The following COL14A1 variants were observed in gnomAD, a reference collection of about 807,000 sequenced individuals.
The protein encoded by COL14A1 is collagen alpha-1(XIV) chain.
COL14A1 carries 136 observed loss-of-function variants against 230.3 expected under a neutral mutation model. That is an observed-to-expected ratio of 0.59 (90% CI 0.51 to 0.68). COL14A1 has a LOEUF of 0.68. COL14A1 is among the 30% of genes least tolerant of loss of function. The pLI is 0.00. For synonymous variants in COL14A1, 792 were observed against 784.1 expected, an observed-to-expected ratio of 1.01 and a Z score of -0.17; for missense variants, 1,976 against 2,215.8, an observed-to-expected ratio of 0.89 and a Z score of 2.17.
intron 34 of COL14A1, among the ~76,000 whole-genome samples, chr8:120,293,901 T>C (rs1176855242): frequency 6.6e-6 from 1 of 151,912 alleles, no homozygotes; most frequent in Admixed American, 6.6e-5. Flanking sequence ...ATCAGTGCCT[T>C]CGTGGTTTCC....
chr8:120,321,119 A>G (rs143223447), intron 40 of COL14A1, among the ~76,000 whole-genome samples: 4 of 152,156 alleles, frequency 2.6e-5, no homozygotes, highest in African/African-American at 9.7e-5. Flanking sequence ...CTCAAAAGAG[A>G]TATTTAATAA....
Position 120,206,951 on chromosome 8 carries a change from C to T in COL14A1, c.1048C>T (p.His350Tyr). Residue 350 changes from histidine to tyrosine, a missense_variant, in exon 10 of 48, where the codon CAT becomes TAT. Physicochemically the swap from His to Tyr is moderately conservative, Grantham distance 83. This residue lies in a region of COL14A1 where 1,791 missense variants were observed against 2,019.5 expected (regional missense o/e 0.89). Coordinates refer to ENST00000297848, the MANE Select transcript of COL14A1 (RefSeq NM_021110.4). Reference sequence around the variant, plus strand: ...ATGTTTTTTTAATTTAGCCTCAGCCCATGCCATCACTGGGCCGCCTACGGA... The same window carrying T: ...ATGTTTTTTTAATTTAGCCTCAGCCTATGCCATCACTGGGCCGCCTACGGA... Reference protein sequence around the residue: ...EQDREIKASAHAITGPPTELI... With the variant: ...EQDREIKASAYAITGPPTELI... 1 of 1,608,538 alleles carries T rather than the reference C, an allele frequency of 6.2e-7. No homozygotes were observed. Among genetic ancestry groups the T allele is most frequent in the African/African-American group, 1.3e-5 (1 of 74,596 alleles).
intron 1 of COL14A1, among the ~76,000 whole-genome samples, chr8:120,141,171 A>C (rs1814895620): frequency 6.6e-6 from 1 of 152,192 alleles, no homozygotes; most frequent in African/African-American, 2.4e-5. Context: ...GGGACTTGGC[A>C]GAAAAGCTTG....
chr8:120,179,798 T>C (rs1731781113), intron 5 of COL14A1, among the ~76,000 whole-genome samples: 1 of 152,198 alleles, frequency 6.6e-6, no homozygotes, highest in Non-Finnish European at 1.5e-5. Flanking sequence ...GACTTCAAAC[T>C]ATACTACAAG....
At chr8:120,333,790 GT>G (rs1821952492) in intron 42 of COL14A1, among the ~76,000 whole-genome samples, 1 of 152,154 alleles carries the variant, frequency 6.6e-6, no homozygotes, top group East Asian at 1.9e-4. Flanking sequence ...GCCTCCCGTA[GT>G]CCTTGGCTCA....
At chr8:120,146,809 A>G (rs1287282095) in intron 1 of COL14A1, among the ~76,000 whole-genome samples, 3 of 152,130 alleles carry the variant, frequency 2.0e-5, no homozygotes, top group Non-Finnish European at 4.4e-5. Context: ...TGGGAAATGA[A>G]TAAACGAATA....
chr8:120,156,946 G>T (rs540061442), intron 2 of COL14A1, among the ~76,000 whole-genome samples: 1 of 152,172 alleles, frequency 6.6e-6, no homozygotes, highest in Non-Finnish European at 1.5e-5. Context: ...TTTTTAAAAT[G>T]AGAAAGAGAG....
chr8:120,179,050 C>T (rs1390146913), intron 5 of COL14A1, among the ~76,000 whole-genome samples: 3 of 151,976 alleles, frequency 2.0e-5, no homozygotes, highest in African/African-American at 7.3e-5. Context: ...ATGATAGTTT[C>T]TTTTGCTGTG....
chr8:120,320,048 G>T (rs906313998), intron 40 of COL14A1, among the ~76,000 whole-genome samples: 1 of 152,030 alleles, frequency 6.6e-6, no homozygotes, highest in Non-Finnish European at 1.5e-5. Context: ...ATATATGGTG[G>T]CTTTCTCAGT....
At chr8:120,238,060 T>C (rs1229970766) in intron 19 of COL14A1, among the ~76,000 whole-genome samples, 1 of 152,092 alleles carries the variant, frequency 6.6e-6, no homozygotes, top group Non-Finnish European at 1.5e-5. Flanking sequence ...ACTCCTGGTG[T>C]CTCCCCATCA....
At chr8:120,172,281 G>A (rs368858254) in intron 5 of COL14A1, among the ~76,000 whole-genome samples, 1 of 152,088 alleles carries the variant, frequency 6.6e-6, no homozygotes, top group East Asian at 1.9e-4. Context: ...CTCCTGAGTA[G>A]CTGGGATTAT....
At chr8:120,220,855 GTGA>G (rs1440825217) in intron 14 of COL14A1, among the ~76,000 whole-genome samples, 13 of 152,138 alleles carry the variant, frequency 8.5e-5, no homozygotes, top group African/African-American at 2.6e-4. Flanking sequence ...GATGATTATG[GTGA>G]TGATGATGAT....
chr8:120,362,135 G>A (rs144510997), intron 45 of COL14A1, among the ~76,000 whole-genome samples: 1 of 152,326 alleles, frequency 6.6e-6, no homozygotes, highest in East Asian at 1.9e-4. Context: ...GCTTAGGATG[G>A]AGAGGCAGGG....
At chr8:120,279,287 C>T (rs1586827129) in intron 28 of COL14A1, among the ~76,000 whole-genome samples, 1 of 151,968 alleles carries the variant, frequency 6.6e-6, no homozygotes, top group African/African-American at 2.4e-5. Context: ...GCATCTTCAG[C>T]ACGTGTATCC....
At chr8:120,167,893 C>G (rs536539707) in intron 4 of COL14A1, among the ~76,000 whole-genome samples, 60 of 152,302 alleles carry the variant, frequency 3.9e-4, no homozygotes, top group Non-Finnish European at 7.5e-4. Flanking sequence ...GATTTTACAG[C>G]AGTTATGAAG....
chr8:120,372,817 G>T lies in COL14A1; in HGVS notation c.*1586G>T, dbSNP rs1436828365. Among the ~76,000 whole-genome samples the T allele has an allele frequency of 6.6e-6, 1 of 152,026 alleles. No individual in the cohort carries two copies. The highest frequency in any genetic ancestry group is 2.4e-5 in the African/African-American group (1 of 41,350). On this transcript the variant is annotated 3_prime_UTR_variant, in exon 48 of 48. Transcript: ENST00000297848. The stretch of plus-strand genomic sequence containing the variant: ...ACAATCTACTTGTGTGCCTTTGGTG[G>T]GGTGGGGCAGGGGCGGGGGGCGGTT...
At chr8:120,163,810 T>C (rs1815773149) in intron 4 of COL14A1, among the ~76,000 whole-genome samples, 1 of 152,170 alleles carries the variant, frequency 6.6e-6, no homozygotes, top group Admixed American at 6.5e-5. Flanking sequence ...CAGGCCCTGA[T>C]TCTTCTGTCT....
intron 31 of COL14A1, among the ~76,000 whole-genome samples, chr8:120,281,992 G>T (rs1486955123): frequency 6.6e-6 from 1 of 151,846 alleles, no homozygotes; most frequent in Non-Finnish European, 1.5e-5. Flanking sequence ...TAAGTTTTAG[G>T]GTACATGTGC....
chr8:120,243,259 AG>A (rs1412082782), intron 19 of COL14A1, among the ~76,000 whole-genome samples: 3 of 152,166 alleles, frequency 2.0e-5, no homozygotes, highest in African/African-American at 7.2e-5. Flanking sequence ...ACAGCCTTTT[AG>A]ACACAGAGTG....
Sources: gnomAD v4.1 joint callset for allele counts (sites outside exome capture counted in the v4.1 genomes callset) on GRCh38, gnomAD v4.1.1 for gene constraint, gnomAD v4.1.1 regional missense constraint, MANE v1.5 for transcripts, NCBI Gene and HGNC (gene_info 2026-07-23, HGNC 2026-07-21) for gene names.